Variants in NSD1 observed in about 807,000 individuals in gnomAD.
NSD1 encodes the protein histone-lysine N-methyltransferase, H3 lysine-36 specific.
NSD1 carries 26 observed loss-of-function variants against 242.7 expected under a neutral mutation model. The ratio of observed to expected loss-of-function variants is 0.11; its 90% confidence interval spans 0.08 to 0.15. NSD1 has a LOEUF of 0.15. Among genes scored for constraint, NSD1 ranks in the 10% least tolerant of loss-of-function variants. The pLI is 1.00. For synonymous variants in NSD1, 1,106 were observed against 1,178.1 expected (o/e 0.94, Z 1.25); for missense variants, 2,495 against 3,272.8 (o/e 0.76, Z 5.80).
chr5:177,292,112 A>G lies in NSD1; in HGVS notation c.6417A>G (p.Pro2139=). The G allele has an allele frequency of 6.2e-7, 1 of 1,614,178 alleles. No homozygotes were observed. Residue 2139 remains proline, a synonymous_variant, in exon 22 of 23, where the codon CCA becomes CCG. Transcript: ENST00000439151. ...QLVSCKKPGC[P]KVYHADCLNL... ...TCTCCTGCAAGAAACCAGGCTGCCC[A>G]AAAGTTTACCACGCAGACTGTCTCA...
intron 5 of NSD1, among the ~76,000 whole-genome samples, chr5:177,229,025 C>G (rs549861771): frequency 7.9e-5 from 12 of 152,004 alleles, no homozygotes. Flanking sequence ...TTAATGGAAT[C>G]ATGCAATATG....
chr5:177,135,316 A>G lies in NSD1; in HGVS notation c.213A>G (p.Pro71=). Residue 71 remains proline (P), a synonymous_variant, in exon 2 of 23, where the codon CCA becomes CCG. Coordinates refer to ENST00000439151, the MANE Select transcript of NSD1 (RefSeq NM_022455.5). ...AAGATTCTCCATCTTGTTACATTCC[A>G]CTGCGGAGACTACAGGATTTGGCCT... ...YGQDSPSCYI[P]LRRLQDLASM... The G allele has an allele frequency of 6.2e-7, 1 of 1,613,248 alleles. No individual in the cohort carries two copies. The highest frequency in any genetic ancestry group is 2.2e-5 in the East Asian group (1 of 44,846).
At position 177,226,732 on chromosome 5, in the gene NSD1, G is replaced by T. The variant is rs573935814; in HGVS notation, c.3797-9089G>T. On this transcript the variant is annotated intron_variant, in intron 5 of 22. Coordinates refer to ENST00000439151, the MANE Select transcript of NSD1 (RefSeq NM_022455.5). ...TAACAGTACAGAAAAGTACAGATTG[G>T]CATTCTGTTAATTTTTTTTAACATC... Among the ~76,000 whole-genome samples, 9 of 152,036 alleles carry T rather than the reference G, an allele frequency of 5.9e-5. No homozygotes were observed. In the South Asian group the frequency reaches 1.7e-3, roughly 28 times the overall value.
In NSD1 at chr5:177,141,490, T is replaced by C. The variant is rs777142529; in HGVS notation, c.927+5460T>C. Among the ~76,000 whole-genome samples, 255 of 148,412 alleles carry C rather than the reference T, an allele frequency of 1.7e-3. 1 individual carries two copies. The highest frequency in any genetic ancestry group is 2.1e-3 in the Non-Finnish European group (138 of 66,616). On this transcript the variant is annotated intron_variant, in intron 2 of 22. Coordinates refer to ENST00000439151, the MANE Select transcript of NSD1 (RefSeq NM_022455.5). ...GGATTGCAGGCGCCCTCCACCATGC[T>C]TGGCTAATTTTTGTATTTTTAGCAG...
intron 12 of NSD1, among the ~76,000 whole-genome samples, chr5:177,255,835 T>A (rs1301455131): frequency 6.6e-6 from 1 of 152,168 alleles, no homozygotes; most frequent in Non-Finnish European, 1.5e-5. Flanking sequence ...TCCAATTGCC[T>A]TAGCCTCCCA....
intron 19 of NSD1, 52 bp from the exon 20 acceptor site, chr5:177,283,735 C>A (rs2127262670): frequency 1.3e-6 from 2 of 1,594,130 alleles, no homozygotes; most frequent in Non-Finnish European, 1.7e-6. Flanking sequence ...AAATTTTAAT[C>A]CACAGCAGAG....
At position 177,248,238 on chromosome 5, in the gene NSD1, G is replaced by A. The variant is rs2149899603; in HGVS notation, c.4555G>A (p.Val1519Ile). Reference sequence around the variant, plus strand: ...CCCCAAGGAGACTGTTGAGGAAGGTGTAGAACACGATCCCGGGATGCCTGC... The same window carrying A: ...CCCCAAGGAGACTGTTGAGGAAGGTATAGAACACGATCCCGGGATGCCTGC... Reference protein sequence around the residue: ...TSPKETVEEGVEHDPGMPASK... With the variant: ...TSPKETVEEGIEHDPGMPASK... Residue 1519 changes from valine to isoleucine, a missense_variant, in exon 11 of 23, where the codon GTA becomes ATA. By Grantham distance (29) the Val-to-Ile change is conservative. Coordinates refer to ENST00000439151, the MANE Select transcript of NSD1 (RefSeq NM_022455.5). 1 of 1,614,188 alleles carries A rather than the reference G, an allele frequency of 6.2e-7. No homozygotes were observed. The highest frequency in any genetic ancestry group is 8.5e-7 in the Non-Finnish European group (1 of 1,180,034).
chr5:177,148,611 G>A (rs887734639), intron 2 of NSD1, among the ~76,000 whole-genome samples: 2 of 151,676 alleles, frequency 1.3e-5, no homozygotes, highest in African/African-American at 4.9e-5. Flanking sequence ...TTTTAGTAGA[G>A]ACGGGGTTTC....
At chr5:177,254,395 GTTGT>G (rs1756251041) in intron 12 of NSD1, among the ~76,000 whole-genome samples, 1 of 151,910 alleles carries the variant, frequency 6.6e-6, no homozygotes, top group Non-Finnish European at 1.5e-5. Context: ...AAGTTTCGTT[GTTGT>G]TTTTTTTCTT....
At chr5:177,251,483 C>G (rs540650300) in intron 11 of NSD1, among the ~76,000 whole-genome samples, 1 of 152,244 alleles carries the variant, frequency 6.6e-6, no homozygotes, top group African/African-American at 2.4e-5. Flanking sequence ...CTCTTGAACT[C>G]GTTTTCCATG....
intron 12 of NSD1, 111 bp downstream of exon 12, chr5:177,251,964 C>A: frequency 3.0e-6 from 4 of 1,348,712 alleles, no homozygotes; most frequent in Non-Finnish European, 4.2e-6. Context: ...CTAGTTGTTA[C>A]AGATATAGAA....
Position 177,192,036 on chromosome 5 carries a change from T to C in NSD1, c.1063+17T>C, listed in dbSNP as rs766689396. 7.4e-6 allele frequency: 12 copies of C among 1,612,632 alleles called. No individual in the cohort carries two copies. The East Asian group carries it at 1.6e-4, about 21-fold the overall frequency. On this transcript the variant is annotated intron_variant, in intron 3 of 22. Transcript: ENST00000439151. The stretch of plus-strand genomic sequence containing the variant: ...AAATGAAAGGTAATACTTGCAGTGA[T>C]TATACATGTTAAAGGCAGTTGCCTT...
chr5:177,132,522 G>A (rs1425241512), upstream of NSD1, among the ~76,000 whole-genome samples: 3 of 151,860 alleles, frequency 2.0e-5, no homozygotes, highest in African/African-American at 4.8e-5. This position sits in a 1 kb window ranked among gnomAD's most constrained non-coding sequence, Gnocchi z 7.5. Flanking sequence ...CCGAGGCTGC[G>A]AGGACCCCTG....
At position 177,134,979 on chromosome 5, in the gene NSD1, G is replaced by A. The variant is rs1053958731; in HGVS notation, c.-17-108G>A. ...GGGAACTTTTTCTGCCCATGGAAGT[G>A]CAGCAGAAAGGCATAGAGGCCACTA... On this transcript the variant is annotated intron_variant, in intron 1 of 22. Coordinates refer to ENST00000439151, the MANE Select transcript of NSD1 (RefSeq NM_022455.5). This position sits in a 1 kb window ranked among gnomAD's most constrained non-coding sequence, Gnocchi z 4.2. 24 of 938,968 alleles carry A rather than the reference G, an allele frequency of 2.6e-5. No homozygotes were observed. The South Asian group carries it at 3.4e-4, about 13-fold the overall frequency. The allele number at this position is 938,968 out of a possible 1,614,324, so 58.2% of individuals were successfully genotyped here.
At chr5:177,155,189 A>G (rs755715469) in intron 2 of NSD1, among the ~76,000 whole-genome samples, 7 of 152,032 alleles carry the variant, frequency 4.6e-5, no homozygotes, top group African/African-American at 4.8e-5. Context: ...AGGTTTCTCC[A>G]TGTTGGTCAG....
intron 2 of NSD1, among the ~76,000 whole-genome samples, chr5:177,175,563 A>G (rs867479279): frequency 2.6e-5 from 4 of 152,080 alleles, no homozygotes; most frequent in Admixed American, 1.3e-4. Flanking sequence ...CAATAGGTAT[A>G]ATTTTCAGTG....
At chr5:177,204,787 TTTG>T (rs1762759378) in intron 4 of NSD1, among the ~76,000 whole-genome samples, 3 of 148,686 alleles carry the variant, frequency 2.0e-5, no homozygotes, top group Admixed American at 6.6e-5. Context: ...GTTTTTTTTG[TTTG>T]TTTGTTTGTT....
intron 5 of NSD1, among the ~76,000 whole-genome samples, chr5:177,225,280 T>C (rs1218261023): frequency 2.6e-5 from 4 of 151,984 alleles, no homozygotes; most frequent in Non-Finnish European, 5.9e-5. Context: ...GTAGCTGGGG[T>C]TACAGGCACG....
chr5:177,288,229 C>G (rs761819700), intron 20 of NSD1, among the ~76,000 whole-genome samples: 1 of 152,138 alleles, frequency 6.6e-6, no homozygotes, highest in Non-Finnish European at 1.5e-5. Flanking sequence ...AAAGTTTACA[C>G]GTTACTGCTA....
Sources: allele counts gnomAD v4.1 joint callset (sites outside exome capture counted in the v4.1 genomes callset), GRCh38; gene constraint gnomAD v4.1.1; non-coding constraint Gnocchi (gnomAD v3.1); transcripts MANE v1.5; gene names NCBI Gene and HGNC (gene_info 2026-07-23, HGNC 2026-07-21).